Variants in TEX14 observed in about 807,000 individuals in gnomAD.
TEX14 encodes the protein inactive serine/threonine-protein kinase TEX14.
TEX14 carries 168 observed loss-of-function variants against 178.6 expected under a neutral mutation model. The ratio of observed to expected loss-of-function variants is 0.94; its 90% CI spans 0.83 to 1.07. The LOEUF (loss-of-function observed/expected upper bound fraction) is 1.07. Ranked by LOEUF, TEX14 falls within the 50% of genes least tolerant of loss-of-function variation. TEX14 has a pLI of 0.00. For missense variants in TEX14, 1,730 were observed against 1,753.6 expected, an observed-to-expected ratio of 0.99 and a Z score of 0.24; for synonymous variants, 626 against 634.1, an observed-to-expected ratio of 0.99 and a Z score of 0.19.
chr17:58,611,182 T>A lies in TEX14; in HGVS notation c.1163A>T (p.Asn388Ile). The part of the protein sequence containing the change: ...IISPGEARLT[N>I]LEYMLESEDR... ...CCACCTTTCCAACATGTACTCCAGG[T>A]TGGTCAGCCTCGCTTCACCTGGGGA... The change falls in exon 10 of 32, where the codon AAC becomes ATC. Residue 388 changes from asparagine to isoleucine, a missense_variant. By Grantham distance (149) the Asn-to-Ile change is moderately radical. Around this residue, in one of 2 missense-constraint regions of TEX14, gnomAD observed 789 missense variants for 681.2 expected, o/e 1.16. Coordinates refer to ENST00000349033, the MANE Select transcript of TEX14 (RefSeq NM_031272.5). The A allele has an allele frequency of 6.2e-7, 1 of 1,613,910 alleles. No homozygotes were observed. Among genetic ancestry groups the A allele is most frequent in the African/African-American group, 1.3e-5 (1 of 75,016 alleles).
intron 7 of TEX14, among the ~76,000 whole-genome samples, chr17:58,615,850 G>A (rs893287348): frequency 1.1e-4 from 16 of 152,196 alleles, no homozygotes; most frequent in African/African-American, 3.9e-4. Flanking sequence ...TCAGAGCAGT[G>A]GTTCTCCCCC....
At chr17:58,651,740 A>G in intron 2 of TEX14, 126 bp downstream of exon 2, 1 of 900,008 alleles carries the variant, frequency 1.1e-6, no homozygotes, top group South Asian at 2.1e-5. Context: ...GAGAACATCT[A>G]ATTTCTACAT....
intron 1 of TEX14, among the ~76,000 whole-genome samples, chr17:58,686,861 CTTTTTTTT>C (rs71143271): frequency 2.8e-5 from 2 of 71,478 alleles, no homozygotes; most frequent in African/African-American, 1.2e-4. Flanking sequence ...GAAAGGTCAC[CTTTTTTTT>C]TTTTTTTTTT....
intron 15 of TEX14, among the ~76,000 whole-genome samples, chr17:58,590,642 C>G (rs1034278519): frequency 6.6e-6 from 1 of 151,980 alleles, no homozygotes; most frequent in Non-Finnish European, 1.5e-5. Context: ...CAGCCTTGAC[C>G]TCCCCAGGAT....
Position 58,586,020 on chromosome 17 carries a change from G to A in TEX14, c.2851C>T (p.Pro951Ser). The A allele has an allele frequency of 6.2e-7, 1 of 1,614,118 alleles. No homozygotes were observed. ...CTCTCTAAAGTCAGACTACTCTGAG[G>A]ATGCCAAGGAGGTACTGTGAGCTGT... ...TGQLTVPPWH[P>S]QSSLTLESEA... is the part of the protein sequence containing the mutation. The change falls in exon 18 of 32, where the codon CCT (proline) becomes TCT (serine). Residue 951 changes from proline (P) to serine (S), a missense_variant. Pro to Ser is a moderately conservative substitution (Grantham distance 74). Transcript: ENST00000349033.
chr17:58,679,424 A>C (rs1567773570), intron 1 of TEX14: 1 of 143,858 alleles, frequency 7.0e-6, no homozygotes, highest in Non-Finnish European at 1.6e-5. Flanking sequence ...GACCATTAGA[A>C]GGCATCAATC....
chr17:58,628,815 G>A (rs954196686), intron 3 of TEX14, among the ~76,000 whole-genome samples: 6 of 151,936 alleles, frequency 3.9e-5, no homozygotes, highest in African/African-American at 7.3e-5. Flanking sequence ...AACACGGGAG[G>A]CGGAGGTTGC....
chr17:58,579,644 T>G, intron 20 of TEX14, 21 bp downstream of exon 20: 1 of 1,599,814 alleles, frequency 6.3e-7, no homozygotes, highest in Non-Finnish European at 8.6e-7. Context: ...TCTCAAGGAA[T>G]CTTCCCTAAG....
rs768273809 is a variant in TEX14, at chr17:58,585,960, G to A, written c.2911C>T (p.Pro971Ser). 6.2e-7 allele frequency: 1 copy of A among 1,614,096 alleles called. No individual in the cohort carries two copies. The highest frequency in any genetic ancestry group is 8.5e-7 in the Non-Finnish European group (1 of 1,180,028). ...AENEPDALLQPPIRSPENTDW... is the reference protein window; with the variant it reads ...AENEPDALLQSPIRSPENTDW... ...GTGTTTTCTGGGCTCCTAATGGGGG[G>A]CTGCAGCAGGGCGTCGGGCTCATTT... is the stretch of plus-strand genomic sequence containing the variant. Residue 971 changes from proline to serine, a missense_variant, in exon 18 of 32, where the codon CCC becomes TCC. Physicochemically the swap from Pro to Ser is moderately conservative, Grantham distance 74 (BLOSUM62 -1). Around this residue, in one of 2 missense-constraint regions of TEX14, gnomAD observed 941 missense variants for 1,072.4 expected, o/e 0.88. Transcript: ENST00000349033.
chr17:58,636,547 A>G (rs986747695), intron 2 of TEX14, among the ~76,000 whole-genome samples: 7 of 152,258 alleles, frequency 4.6e-5, no homozygotes, highest in African/African-American at 1.7e-4. Context: ...AGATGAAGAA[A>G]TGGAGAGAGA....
chr17:58,673,208 C>T (rs896884683), intron 1 of TEX14, among the ~76,000 whole-genome samples: 3 of 150,886 alleles, frequency 2.0e-5, no homozygotes, highest in Non-Finnish European at 4.4e-5. Flanking sequence ...GGGCAGGGCG[C>T]GGTAGCTTAT....
intron 1 of TEX14, among the ~76,000 whole-genome samples, chr17:58,671,386 G>A (rs2047301557): frequency 6.6e-6 from 1 of 152,140 alleles, no homozygotes; most frequent in Admixed American, 6.6e-5. Flanking sequence ...TGAGATAGTG[G>A]TGAAGATTTC....
At chr17:58,655,057 CAG>C (rs906579328) in intron 1 of TEX14, among the ~76,000 whole-genome samples, 6 of 138,550 alleles carry the variant, frequency 4.3e-5, no homozygotes, top group African/African-American at 1.4e-4. Flanking sequence ...TTTCCTGAGA[CAG>C]AGTCTTGCTC....
intron 28 of TEX14, 116 bp from the exon 29 acceptor site, chr17:58,561,728 G>A (rs2044277667): frequency 5.8e-6 from 4 of 685,720 alleles, no homozygotes; most frequent in South Asian, 1.8e-5. Flanking sequence ...TTCACTATAT[G>A]TATGAAAAAA....
chr17:58,557,696 C>A, intron 31 of TEX14, 103 bp downstream of exon 31: 1 of 870,114 alleles, frequency 1.1e-6, no homozygotes, highest in South Asian at 1.7e-5. Flanking sequence ...AAATTGGAGT[C>A]TTTGTCATTA....
At chr17:58,574,541 T>C (rs1214010527) in intron 21 of TEX14, among the ~76,000 whole-genome samples, 1 of 151,886 alleles carries the variant, frequency 6.6e-6, no homozygotes, top group Non-Finnish European at 1.5e-5. Context: ...CTGGGCTTGG[T>C]AGCACGTGCC....
chr17:58,684,579 G>GC (rs2047559247), intron 1 of TEX14, among the ~76,000 whole-genome samples: 1 of 151,902 alleles, frequency 6.6e-6, no homozygotes, highest in Non-Finnish European at 1.5e-5. Flanking sequence ...TGGTGGCAGT[G>GC]AGAAGATCGT....
chr17:58,628,639 G>C (rs1436343797), intron 3 of TEX14, among the ~76,000 whole-genome samples: 1 of 151,792 alleles, frequency 6.6e-6, no homozygotes, highest in African/African-American at 2.4e-5. Flanking sequence ...TTGAACCTCG[G>C]AGGCACAGAT....
intron 22 of TEX14, among the ~76,000 whole-genome samples, chr17:58,573,916 A>G (rs1003175281): frequency 3.3e-5 from 5 of 152,156 alleles, no homozygotes; most frequent in African/African-American, 1.2e-4. Context: ...TTTCCAGGAT[A>G]TTTACGTGGA....
Sources: allele counts gnomAD v4.1 joint callset (sites outside exome capture counted in the v4.1 genomes callset), GRCh38; gene constraint gnomAD v4.1.1; regional missense constraint gnomAD v4.1.1; transcripts MANE v1.5; gene names NCBI Gene and HGNC (gene_info 2026-07-23, HGNC 2026-07-21).